The following RPS6KA2 variants were observed in gnomAD, a reference collection of about 807,000 sequenced individuals.
The protein encoded by RPS6KA2 is ribosomal protein S6 kinase alpha-2.
In RPS6KA2, 42 loss-of-function variants were observed where a neutral mutation model predicts 91.8. That is an observed-to-expected ratio of 0.46 (90% CI 0.36 to 0.59). The LOEUF is 0.59. Ranked by LOEUF, RPS6KA2 falls within the 20% of genes least tolerant of loss-of-function variation. The pLI, the probability that RPS6KA2 is intolerant of heterozygous loss-of-function variation, is 0.00. For synonymous variants in RPS6KA2, 414 were observed against 393.6 expected, an observed-to-expected ratio of 1.05 and a Z score of -0.61; for missense variants, 798 against 978.5, an observed-to-expected ratio of 0.82 and a Z score of 2.46.
intron 1 of RPS6KA2, among the ~76,000 whole-genome samples, chr6:166,576,618 T>C (rs1784843830): frequency 6.6e-6 from 1 of 152,204 alleles, no homozygotes; most frequent in Admixed American, 6.5e-5. Context: ...TTCAGGTATC[T>C]GGCGGAAGAA....
chr6:166,815,414 G>T (rs1779736973), intron 2 of RPS6KA2, among the ~76,000 whole-genome samples: 1 of 152,162 alleles, frequency 6.6e-6, no homozygotes, highest in Non-Finnish European at 1.5e-5. Context: ...TCATCAAACT[G>T]CTGAGCTTTT....
chr6:166,680,767 A>G (rs1330617705), intron 2 of RPS6KA2, among the ~76,000 whole-genome samples: 1 of 152,212 alleles, frequency 6.6e-6, no homozygotes, highest in Non-Finnish European at 1.5e-5. Flanking sequence ...ACCATCTTTA[A>G]GAACTGTAAC....
chr6:166,608,642 G>A (rs985663077), intron 1 of RPS6KA2, among the ~76,000 whole-genome samples: 1 of 152,134 alleles, frequency 6.6e-6, no homozygotes, highest in Non-Finnish European at 1.5e-5. Context: ...TCAGATGCAG[G>A]CAACATTCAG....
chr6:166,688,759 A>G (rs1789101753), intron 2 of RPS6KA2, among the ~76,000 whole-genome samples: 1 of 152,226 alleles, frequency 6.6e-6, no homozygotes, highest in Non-Finnish European at 1.5e-5. Flanking sequence ...GAAACCCCGC[A>G]TGGGGGCAGC....
intron 2 of RPS6KA2, among the ~76,000 whole-genome samples, chr6:166,846,918 C>T (rs1325243621): frequency 1.3e-5 from 2 of 152,136 alleles, no homozygotes; most frequent in Non-Finnish European, 1.5e-5. Flanking sequence ...GGAAGTCAAA[C>T]TGTCACTGTT....
intron 14 of RPS6KA2, among the ~76,000 whole-genome samples, chr6:166,446,371 TAC>T (rs759761249): frequency 9.2e-5 from 14 of 152,344 alleles, no homozygotes; most frequent in East Asian, 5.8e-4. Context: ...TCTTCCAGAC[TAC>T]ACATTATTAC....
At chr6:166,604,762 A>G (rs1309072924) in intron 1 of RPS6KA2, among the ~76,000 whole-genome samples, 2 of 152,230 alleles carry the variant, frequency 1.3e-5, no homozygotes, top group Admixed American at 1.3e-4. Context: ...AATGGAGGTA[A>G]AGAAGGAGAA....
At chr6:166,415,234 C>A (rs1432388071) in intron 19 of RPS6KA2, among the ~76,000 whole-genome samples, 1 of 152,144 alleles carries the variant, frequency 6.6e-6, no homozygotes, top group East Asian at 1.9e-4. Context: ...TTGGTAATTT[C>A]TTGAAACAAG....
At chr6:166,427,151 G>A (rs1321967600) in intron 16 of RPS6KA2, among the ~76,000 whole-genome samples, 4 of 152,244 alleles carry the variant, frequency 2.6e-5, no homozygotes, top group African/African-American at 9.6e-5. Flanking sequence ...TTCAACATAT[G>A]CAAATCAATA....
intron 10 of RPS6KA2, among the ~76,000 whole-genome samples, chr6:166,477,788 G>A (rs1781031405): frequency 6.6e-6 from 1 of 152,124 alleles, no homozygotes; most frequent in Non-Finnish European, 1.5e-5. Flanking sequence ...GTGCATGCCT[G>A]TAGTCCCAGC....
intron 10 of RPS6KA2, among the ~76,000 whole-genome samples, chr6:166,486,955 G>A (rs529045068): frequency 1.3e-5 from 2 of 152,352 alleles, no homozygotes; most frequent in Non-Finnish European, 2.9e-5. Flanking sequence ...GTGCAGAGCC[G>A]TGGCCGAGAC....
intron 1 of RPS6KA2, among the ~76,000 whole-genome samples, chr6:166,584,061 C>T (rs912692725): frequency 1.2e-4 from 18 of 152,210 alleles, no homozygotes; most frequent in Admixed American, 1.2e-3. Flanking sequence ...GTGTGTTTTG[C>T]TCCTTTCTTA....
At chr6:166,498,950 C>A (rs1781905525) in intron 7 of RPS6KA2, among the ~76,000 whole-genome samples, 1 of 152,158 alleles carries the variant, frequency 6.6e-6, no homozygotes, top group Non-Finnish European at 1.5e-5. Context: ...ACGGGAACTC[C>A]CCCAGACCCT....
intron 2 of RPS6KA2, among the ~76,000 whole-genome samples, chr6:166,768,144 GAAGA>G (rs756203534): frequency 1.6e-4 from 24 of 152,198 alleles, no homozygotes; most frequent in Non-Finnish European, 3.4e-4. Context: ...TAAGAAAAGG[GAAGA>G]AAGAGGAGGA....
intron 2 of RPS6KA2, among the ~76,000 whole-genome samples, chr6:166,752,490 A>G (rs1777880940): frequency 6.6e-6 from 1 of 152,266 alleles, no homozygotes; most frequent in Non-Finnish European, 1.5e-5. Context: ...AAAATATAGG[A>G]ATACAGTCAC....
chr6:166,591,981 C>G (rs1785370533), intron 1 of RPS6KA2, among the ~76,000 whole-genome samples: 1 of 152,234 alleles, frequency 6.6e-6, no homozygotes, highest in East Asian at 1.9e-4. Flanking sequence ...ATCTGCAATA[C>G]AGAAATCACT....
intron 2 of RPS6KA2, among the ~76,000 whole-genome samples, chr6:166,532,945 G>T (rs977071114): frequency 6.6e-6 from 1 of 152,090 alleles, no homozygotes; most frequent in African/African-American, 2.4e-5. Flanking sequence ...CACTGTGGTG[G>T]GAGACACAGG....
chr6:166,586,290 T>A, intron 1 of RPS6KA2: 1 of 1,598,490 alleles, frequency 6.3e-7, no homozygotes, highest in South Asian at 1.1e-5. Flanking sequence ...GCCTCTGAAC[T>A]GTCTGTTGTC....
At position 166,494,909 on chromosome 6, in the gene RPS6KA2, C is replaced by T. The variant is rs922573143; in HGVS notation, c.747+3599G>A. 7.2e-5 allele frequency among the ~76,000 whole-genome samples: 11 copies of T among 152,194 alleles called. No individual in the cohort carries two copies. Among genetic ancestry groups the T allele is most frequent in the South Asian group, 6.2e-4 (3 of 4,834 alleles). On this transcript the variant is annotated intron_variant, in intron 8 of 20. Coordinates refer to ENST00000265678, the MANE Select transcript of RPS6KA2 (RefSeq NM_021135.6). This position sits in a 1 kb window ranked among gnomAD's most constrained non-coding sequence, Gnocchi z 5.1. ...CCTCACACGCACAACGGCTCTGCACCGATCCGCTTACAAGGCTTGGGTAAG... is the reference window on the plus strand; with the variant it reads ...CCTCACACGCACAACGGCTCTGCACTGATCCGCTTACAAGGCTTGGGTAAG...
Sources: gnomAD v4.1 joint callset for allele counts (sites outside exome capture counted in the v4.1 genomes callset) on GRCh38, gnomAD v4.1.1 for gene constraint, Gnocchi (gnomAD v3.1) non-coding constraint, MANE v1.5 for transcripts, NCBI Gene and HGNC (gene_info 2026-07-23, HGNC 2026-07-21) for gene names.